The following GPHN variants were observed in gnomAD, a reference collection of about 807,000 sequenced individuals.
GPHN encodes the protein gephyrin.
GPHN carries 17 observed loss-of-function variants against 95.5 expected under a neutral mutation model. The observed-to-expected ratio is 0.18, with a 90% CI of 0.12 to 0.27. The LOEUF is 0.27. Ranked by LOEUF, GPHN falls within the 10% of genes least tolerant of loss-of-function variation. GPHN has a pLI of 1.00. For missense variants in GPHN, 660 were observed against 978.1 expected, an observed-to-expected ratio of 0.67 and a Z score of 4.34; for synonymous variants, 320 against 322.5, an observed-to-expected ratio of 0.99 and a Z score of 0.08.
At chr14:67,568,371 CACTT>C in the GPHN span, among the ~76,000 whole-genome samples, 3 of 152,092 alleles carry the variant, frequency 2.0e-5, no homozygotes, top group Admixed American at 6.6e-5. Flanking sequence ...TGCATGTTCT[CACTT>C]ACAAGTGGGA....
chr14:66,508,499 C>T lies in GPHN; in HGVS notation c.-29C>T. The stretch of plus-strand genomic sequence containing the variant: ...TCCGGGCTCCGGTTTCTCCCGGCTC[C>T]TGTCAGTGCGGTGACTGCGCTGGGA... On this transcript the variant is annotated 5_prime_UTR_variant, in exon 1 of 23. Coordinates refer to ENST00000478722, the MANE Select transcript of GPHN (RefSeq NM_020806.5). The T allele has an allele frequency of 6.2e-7, 1 of 1,610,590 alleles. No homozygotes were observed. Among genetic ancestry groups the T allele is most frequent in the Non-Finnish European group, 8.5e-7 (1 of 1,176,764 alleles).
chr14:67,338,552 C>T, the GPHN span: 1 of 1,458,682 alleles, frequency 6.9e-7, no homozygotes, highest in Non-Finnish European at 9.1e-7. Flanking sequence ...CCACACAAAT[C>T]AAACCTACAC....
At chr14:66,922,639 A>AT (rs765769429) in intron 6 of GPHN, 27 bp from the exon 7 acceptor site, 491 of 1,558,360 alleles carry the variant, frequency 3.2e-4, no homozygotes, top group Non-Finnish European at 3.4e-4. Flanking sequence ...CTTCATCTTA[A>AT]TTTTTTTTTC....
At chr14:66,607,819 A>G (rs2062609361) in intron 1 of GPHN, among the ~76,000 whole-genome samples, 1 of 151,726 alleles carries the variant, frequency 6.6e-6, no homozygotes, top group South Asian at 2.1e-4. Context: ...GATGTTTTGT[A>G]TTTCTGTGGG....
chr14:67,062,281 T>C (rs1230201482), intron 11 of GPHN, among the ~76,000 whole-genome samples: 2 of 152,236 alleles, frequency 1.3e-5, no homozygotes, highest in African/African-American at 4.8e-5. Flanking sequence ...CTAAACTATT[T>C]AATATCATTC....
At chr14:67,543,697 G>A in the GPHN span, among the ~76,000 whole-genome samples, 1 of 152,018 alleles carries the variant, frequency 6.6e-6, no homozygotes, top group African/African-American at 2.4e-5. Flanking sequence ...GAAAGGATAA[G>A]TAGGGATTGA....
chr14:67,203,286 C>T, the GPHN span: 2 of 1,583,396 alleles, frequency 1.3e-6, no homozygotes, highest in Non-Finnish European at 1.7e-6. Context: ...GAAACTAGTG[C>T]TCACCAGGTG....
Position 66,681,178 on chromosome 14 carries a change from CCTT to C in GPHN, c.140_142del (p.Ser47del). ...AAATCTCAAAGATCTCGTACAAGATCCTTCTTTGTGAGTATTGTGCTTTCAGTA... is the reference window on the plus strand; with the variant it reads ...AAATCTCAAAGATCTCGTACAAGATCCTTTGTGAGTATTGTGCTTTCAGTA... On this transcript the variant is annotated inframe_deletion, in exon 2 of 23. Coordinates refer to ENST00000478722, the MANE Select transcript of GPHN (RefSeq NM_020806.5). 1 of 1,573,382 alleles carries C rather than the reference CCTT, an allele frequency of 6.4e-7. No homozygotes were observed. The highest frequency in any genetic ancestry group is 1.1e-5 in the South Asian group (1 of 90,094).
chr14:66,930,457 C>A (rs963920150), intron 8 of GPHN, among the ~76,000 whole-genome samples: 7 of 151,668 alleles, frequency 4.6e-5, no homozygotes, highest in Non-Finnish European at 1.0e-4. Flanking sequence ...TTAAATTCAT[C>A]CCCCCAGTTT....
At chr14:67,506,502 TC>T in the GPHN span, among the ~76,000 whole-genome samples, 1 of 151,786 alleles carries the variant, frequency 6.6e-6, no homozygotes, top group East Asian at 1.9e-4. Context: ...TCATCTCTCA[TC>T]CCCCCAGTAG....
chr14:67,572,249 A>C, the GPHN span: 1 of 1,601,828 alleles, frequency 6.2e-7, no homozygotes, highest in African/African-American at 1.4e-5. Flanking sequence ...ACCTCATCCT[A>C]CTCCACCGAC....
chr14:66,716,722 G>A (rs757238380), intron 2 of GPHN, among the ~76,000 whole-genome samples: 2 of 152,118 alleles, frequency 1.3e-5, no homozygotes, highest in Non-Finnish European at 2.9e-5. Flanking sequence ...TGGTAGTGAC[G>A]AATTTTCTCG....
intron 4 of GPHN, among the ~76,000 whole-genome samples, chr14:66,865,481 A>G (rs963449703): frequency 3.3e-5 from 5 of 152,166 alleles, no homozygotes; most frequent in Admixed American, 2.6e-4. Flanking sequence ...TGTTAATACA[A>G]AAAAAATTAA....
At chr14:66,559,844 GT>G (rs931258155) in intron 1 of GPHN, among the ~76,000 whole-genome samples, 4 of 152,038 alleles carry the variant, frequency 2.6e-5, no homozygotes, top group Non-Finnish European at 5.9e-5. Flanking sequence ...TAATGCCTAG[GT>G]TTTTTTCTAG....
chr14:67,297,378 T>C, the GPHN span, among the ~76,000 whole-genome samples: 1 of 152,224 alleles, frequency 6.6e-6, no homozygotes, highest in African/African-American at 2.4e-5. Flanking sequence ...GAAGAATTAA[T>C]AAACTATTAA....
At chr14:66,949,722 T>C (rs1050408547) in intron 8 of GPHN, among the ~76,000 whole-genome samples, 1 of 152,192 alleles carries the variant, frequency 6.6e-6, no homozygotes, top group Non-Finnish European at 1.5e-5. Context: ...CTTGCAACTT[T>C]GCTTTAAGTT....
chr14:67,208,052 C>A, the GPHN span: 1 of 1,188,294 alleles, frequency 8.4e-7, no homozygotes, highest in Non-Finnish European at 1.1e-6. Flanking sequence ...AATGGTCGTG[C>A]CATTCTAAGC....
intron 2 of GPHN, among the ~76,000 whole-genome samples, chr14:66,721,714 G>GC (rs1188615494): frequency 6.6e-6 from 1 of 152,022 alleles, no homozygotes; most frequent in African/African-American, 2.4e-5. Context: ...ACTTTGGAAG[G>GC]CCGAGGCAGG....
At chr14:67,648,047 G>T in the GPHN span, 1 of 1,608,472 alleles carries the variant, frequency 6.2e-7, no homozygotes, top group Admixed American at 1.7e-5. Context: ...TCCTTTTTAG[G>T]AGACAAAGAC....
Sources: gnomAD v4.1 joint callset for allele counts (sites outside exome capture counted in the v4.1 genomes callset) on GRCh38, gnomAD v4.1.1 for gene constraint, MANE v1.5 for transcripts, NCBI Gene and HGNC (gene_info 2026-07-23, HGNC 2026-07-21) for gene names.